Variants in SPATA1 observed in about 807,000 individuals in gnomAD.
SPATA1 encodes the protein spermatogenesis-associated protein 1.
Under a neutral mutation model 59.6 loss-of-function variants are expected in SPATA1, and 57 were observed. The ratio of observed to expected loss-of-function variants is 0.96; its 90% CI spans 0.77 to 1.19. The LOEUF (loss-of-function observed/expected upper bound fraction) is 1.19, where lower values mean the gene tolerates loss of function less well. SPATA1 is among the 50% of genes most tolerant of loss of function. The pLI is 0.00. For missense variants in SPATA1, 448 were observed against 480.7 expected, an observed-to-expected ratio of 0.93 and a Z score of 0.64; for synonymous variants, 147 against 163.9, an observed-to-expected ratio of 0.90 and a Z score of 0.79.
chr1:84,506,416 G>T (rs2271620), exon 1 of SPATA1: 39,827 of 201,592 alleles, frequency 0.2, 4,032 homozygotes, highest in South Asian at 0.33. Context: ...CGATTAGGGA[G>T]AGGTAAGGAG....
chr1:84,565,224 C>A (rs550684137), intron 4 of SPATA1, among the ~76,000 whole-genome samples: 43 of 150,462 alleles, frequency 2.9e-4, no homozygotes, highest in African/African-American at 1.0e-3. Flanking sequence ...AAAAAAAAAA[C>A]AAAAGAACAA....
At chr1:84,555,117 C>T (rs780281748), downstream of SPATA1, 34 of 1,613,560 alleles carry the variant, frequency 2.1e-5, no homozygotes, top group African/African-American at 5.3e-5. Flanking sequence ...GCCCCGTAAG[C>T]GATAGTTTTG....
At chr1:84,516,440 TC>T in intron 2 of SPATA1, 45 bp downstream of exon 2, 3 of 1,202,370 alleles carry the variant, frequency 2.5e-6, no homozygotes, top group Non-Finnish European at 3.4e-6. Flanking sequence ...GACCTGCTTA[TC>T]ACTGTTTTTG....
intron 8 of SPATA1, 123 bp downstream of exon 8, chr1:84,533,889 A>G (rs1296131409): frequency 1.6e-6 from 1 of 609,884 alleles, no homozygotes; most frequent in Non-Finnish European, 2.8e-6. Context: ...TAATATCAAT[A>G]TAATCAATAG....
intron 6 of SPATA1, among the ~76,000 whole-genome samples, chr1:84,526,379 G>A (rs1683223988): frequency 1.3e-5 from 2 of 152,080 alleles, no homozygotes; most frequent in African/African-American, 4.8e-5. Context: ...CAGGGGAAGA[G>A]AAAGGAAAGG....
chr1:84,561,694 A>G (rs1270355118), intron 4 of SPATA1, among the ~76,000 whole-genome samples: 1 of 152,190 alleles, frequency 6.6e-6, no homozygotes, highest in African/African-American at 2.4e-5. Flanking sequence ...CCCAACCTTC[A>G]GCAACCACCA....
chr1:84,560,113 GAAA>G (rs1684562509), intron 4 of SPATA1, among the ~76,000 whole-genome samples: 1 of 142,560 alleles, frequency 7.0e-6, no homozygotes, highest in South Asian at 2.2e-4. Context: ...AAGAAAGAAA[GAAA>G]GAAAGAAAGA....
intron 4 of SPATA1, among the ~76,000 whole-genome samples, chr1:84,565,087 C>G (rs1448385649): frequency 6.6e-6 from 1 of 151,196 alleles, no homozygotes; most frequent in East Asian, 1.9e-4. Flanking sequence ...GGCATGCACC[C>G]GTAGTCCCAG....
exon 13 of SPATA1, chr1:84,553,179 G>C (rs904853309): frequency 7.4e-5 from 76 of 1,025,496 alleles, no homozygotes; most frequent in Non-Finnish European, 9.1e-5. Context: ...TATTTGAACA[G>C]ATTTGTTTAA....
intron 4 of SPATA1, among the ~76,000 whole-genome samples, chr1:84,564,313 G>A (rs995620960): frequency 1.3e-5 from 2 of 152,026 alleles, no homozygotes; most frequent in African/African-American, 4.8e-5. Flanking sequence ...ATCTATAGTG[G>A]GAGGAAACAA....
At chr1:84,520,607 A>G in exon 3 of SPATA1, 5 of 1,559,412 alleles carry the variant, frequency 3.2e-6, no homozygotes, top group South Asian at 1.2e-5. Context: ...CATGTTTTTT[A>G]TGTCCCTGAA....
intron 8 of SPATA1, among the ~76,000 whole-genome samples, chr1:84,539,032 C>G (rs1683816861): frequency 6.6e-6 from 1 of 152,148 alleles, no homozygotes; most frequent in African/African-American, 2.4e-5. Flanking sequence ...AACTCCTGGA[C>G]TCAAGCAATC....
At chr1:84,534,194 A>G (rs1683585753) in intron 8 of SPATA1, among the ~76,000 whole-genome samples, 1 of 152,072 alleles carries the variant, frequency 6.6e-6, no homozygotes, top group Non-Finnish European at 1.5e-5. Context: ...TGGATATGTT[A>G]CCCAATTTGA....
At chr1:84,509,553 C>T (rs982696147) in intron 1 of SPATA1, among the ~76,000 whole-genome samples, 5 of 152,134 alleles carry the variant, frequency 3.3e-5, no homozygotes, top group Non-Finnish European at 7.4e-5. Context: ...CACCTGAGGT[C>T]AGGAGTTTCA....
chr1:84,507,592 G>T (rs11163986), intron 1 of SPATA1, among the ~76,000 whole-genome samples: 30,843 of 152,094 alleles, frequency 0.2, 4,492 homozygotes, highest in African/African-American at 0.41. Flanking sequence ...TTCCCAAAAG[G>T]TATTGTAATT....
intron 8 of SPATA1, among the ~76,000 whole-genome samples, chr1:84,540,587 C>CGT (rs993971797): frequency 3.3e-5 from 5 of 152,044 alleles, no homozygotes; most frequent in Non-Finnish European, 5.9e-5. Context: ...GTACTGTTCA[C>CGT]GTAGTCTTAT....
chr1:84,555,339 T>A (rs1684396874), downstream of SPATA1: 1 of 597,510 alleles, frequency 1.7e-6, no homozygotes, highest in Admixed American at 3.5e-5. Context: ...AAGGATACAA[T>A]GAAATAAAAA....
intron 10 of SPATA1, among the ~76,000 whole-genome samples, chr1:84,546,482 T>C (rs2102002357): frequency 7.1e-6 from 1 of 141,314 alleles, no homozygotes; most frequent in African/African-American, 2.7e-5. Context: ...AAAAAAAAAC[T>C]TGATGAAAAC....
intron 4 of SPATA1, among the ~76,000 whole-genome samples, chr1:84,560,097 A>AAAAGAAAGAAAG (rs59549626): frequency 7.0e-5 from 8 of 114,720 alleles, no homozygotes; most frequent in East Asian, 2.5e-4. Context: ...AAAAAAAAAA[A>AAAAGAAAGAAAG]AAAGAAAGAA....
Sources: allele counts gnomAD v4.1 joint callset (sites outside exome capture counted in the v4.1 genomes callset), GRCh38; gene constraint gnomAD v4.1.1; transcripts MANE v1.5; gene names NCBI Gene and HGNC (gene_info 2026-07-23, HGNC 2026-07-21).